The following CAB39 variants were observed in gnomAD, a reference collection of about 807,000 sequenced individuals.
CAB39 encodes calcium-binding protein 39.
CAB39 carries 8 observed loss-of-function variants against 40.0 expected under a neutral mutation model. That is an observed-to-expected ratio of 0.20 (90% CI 0.12 to 0.36). CAB39 has a LOEUF of 0.36. Ranked by LOEUF, CAB39 falls within the 10% of genes least tolerant of loss-of-function variation. The pLI is 1.00. For missense variants in CAB39, 270 were observed against 401.1 expected (o/e 0.67, Z 2.79); for synonymous variants, 156 against 141.6 (o/e 1.10, Z -0.72).
chr2:230,722,129 T>G (rs573012849), intron 1 of CAB39, among the ~76,000 whole-genome samples: 1 of 151,770 alleles, frequency 6.6e-6, no homozygotes, highest in Non-Finnish European at 1.5e-5. Flanking sequence ...CTCTCAAAAC[T>G]GAAAAAGAAA....
At chr2:230,814,482 G>C (rs983587428) in intron 7 of CAB39, among the ~76,000 whole-genome samples, 3 of 152,146 alleles carry the variant, frequency 2.0e-5, no homozygotes, top group Non-Finnish European at 4.4e-5. Flanking sequence ...GGTGGAGGGA[G>C]GCGATGTGCG....
intron 1 of CAB39, among the ~76,000 whole-genome samples, chr2:230,754,140 T>C (rs530566706): frequency 1.6e-4 from 24 of 152,320 alleles, no homozygotes; most frequent in African/African-American, 5.8e-4. Flanking sequence ...GTAAGGAATT[T>C]GGATTTTATT....
rs543989182 is a variant in CAB39 at position 230,784,623 on chromosome 2, G to A, written c.115-6249G>A. On this transcript the variant is annotated intron_variant, in intron 2 of 8. Coordinates refer to ENST00000258418, the MANE Select transcript of CAB39 (RefSeq NM_016289.4). Reference sequence around the variant, plus strand: ...GAAAATAAGGATGGTGGTGAGTCACGGAGGACCAGAAGAATGGTTTTCAGA... The same window carrying A: ...GAAAATAAGGATGGTGGTGAGTCACAGAGGACCAGAAGAATGGTTTTCAGA... Among the ~76,000 whole-genome samples the A allele has an allele frequency of 1.6e-4, 25 of 152,284 alleles. No homozygotes were observed. The Middle Eastern group carries it at 0.014, about 83-fold the overall frequency.
intron 2 of CAB39, among the ~76,000 whole-genome samples, chr2:230,782,115 C>A (rs1423622386): frequency 6.6e-6 from 1 of 152,192 alleles, no homozygotes. Context: ...GTCCGCCCGG[C>A]TCGGCCTCTG....
intron 1 of CAB39, among the ~76,000 whole-genome samples, chr2:230,746,034 G>A (rs531025503): frequency 6.6e-6 from 1 of 152,120 alleles, no homozygotes; most frequent in Non-Finnish European, 1.5e-5. Context: ...CTATTTGGTC[G>A]GGATTTAACA....
intron 7 of CAB39, among the ~76,000 whole-genome samples, chr2:230,814,704 G>C (rs1323191215): frequency 6.6e-6 from 1 of 152,174 alleles, no homozygotes; most frequent in Non-Finnish European, 1.5e-5. Flanking sequence ...GTCTGTGGCT[G>C]TTTTGAGCTC....
chr2:230,714,472 G>A (rs1575892526), intron 1 of CAB39, among the ~76,000 whole-genome samples: 1 of 152,300 alleles, frequency 6.6e-6, no homozygotes, highest in East Asian at 1.9e-4. Flanking sequence ...TAATGGAAAG[G>A]TGTCTATAAA....
intron 4 of CAB39, among the ~76,000 whole-genome samples, chr2:230,796,315 G>A (rs903818521): frequency 1.1e-4 from 16 of 152,018 alleles, no homozygotes; most frequent in African/African-American, 3.9e-4. Flanking sequence ...ATTTGAAGTC[G>A]TATTGCTAGT....
chr2:230,787,055 A>G (rs139356294), intron 2 of CAB39, among the ~76,000 whole-genome samples: 1 of 152,356 alleles, frequency 6.6e-6, no homozygotes, highest in East Asian at 1.9e-4. Context: ...AGCATTTAGA[A>G]AAGAATGTCA....
Position 230,810,253 on chromosome 2 carries a change from CT to C in CAB39, c.568-5del. 3 of 1,372,216 alleles carry C rather than the reference CT, an allele frequency of 2.2e-6. No homozygotes were observed. Among genetic ancestry groups the C allele is most frequent in the Non-Finnish European group, 3.0e-6 (3 of 996,864 alleles). The allele number at this position is 1,372,216 out of a possible 1,614,324, so 85.0% of individuals were successfully genotyped here. On this transcript the variant is annotated splice_polypyrimidine_tract_variant and intron_variant, in intron 5 of 8. Coordinates refer to ENST00000258418, the MANE Select transcript of CAB39 (RefSeq NM_016289.4). Reference sequence around the variant, plus strand: ...GAACAACTGTAAACAATTTTTTTTTCTTTTTGTAGGATTTACTTACAAGACA... The same window carrying C: ...GAACAACTGTAAACAATTTTTTTTTCTTTTGTAGGATTTACTTACAAGACA...
At position 230,760,186 on chromosome 2, in the gene CAB39, C is replaced by G. The variant is rs577678724; in HGVS notation, c.114+71C>G. The G allele has an allele frequency of 7.1e-6, 6 of 846,804 alleles. No individual in the cohort carries two copies. The East Asian group carries it at 1.3e-4, about 19-fold the overall frequency. The allele number at this position is 846,804 out of a possible 1,614,324, so 52.5% of individuals were successfully genotyped here. ...ATGCAAGACACCTTATATGAGGAATCAGTAAGTCCCAATTTGGGTTTATTT... is the reference window on the plus strand; with the variant it reads ...ATGCAAGACACCTTATATGAGGAATGAGTAAGTCCCAATTTGGGTTTATTT... On this transcript the variant is annotated intron_variant, in intron 2 of 8. Coordinates refer to ENST00000258418, the MANE Select transcript of CAB39 (RefSeq NM_016289.4).
At chr2:230,799,670 GAATA>G (rs1696051300) in intron 5 of CAB39, among the ~76,000 whole-genome samples, 1 of 152,180 alleles carries the variant, frequency 6.6e-6, no homozygotes, top group African/African-American at 2.4e-5. Context: ...CTAACCTTAT[GAATA>G]AATATTTAGA....
intron 1 of CAB39, chr2:230,725,190 T>C (rs1694541180): frequency 6.2e-7 from 1 of 1,609,184 alleles, no homozygotes; most frequent in African/African-American, 1.3e-5. Context: ...CGGGACTGCT[T>C]GGCGCTGGCG....
intron 4 of CAB39, 135 bp from the exon 5 acceptor site, chr2:230,798,594 G>A: frequency 1.5e-6 from 1 of 653,050 alleles, no homozygotes; most frequent in Non-Finnish European, 2.5e-6. Context: ...AATACCTTCT[G>A]TAATCTGCGA....
chr2:230,725,203 A>G lies in CAB39; in HGVS notation c.-44+11973A>G, dbSNP rs565860327. The G allele has an allele frequency of 1.2e-5, 19 of 1,605,616 alleles. No individual in the cohort carries two copies. The African/African-American group carries it at 1.3e-4, about 11-fold the overall frequency. ...CCCGGGACTGCTTGGCGCTGGCGCC[A>G]CAAGTGTCTTTCAGCCATTCCCGGT... On this transcript the variant is annotated intron_variant, in intron 1 of 8. Coordinates refer to ENST00000258418, the MANE Select transcript of CAB39 (RefSeq NM_016289.4).
intron 2 of CAB39, among the ~76,000 whole-genome samples, chr2:230,766,347 T>C (rs1695385234): frequency 6.6e-6 from 1 of 152,096 alleles, no homozygotes; most frequent in African/African-American, 2.4e-5. Context: ...TACAAGATAA[T>C]TAATGGGAAA....
Position 230,788,440 on chromosome 2 carries a change from C to T in CAB39, c.115-2432C>T, listed in dbSNP as rs573133981. ...CTACATATGTTATAACCCCAGAATACGTTGTTATTTTTGCTTTAAAGAGCC... is the reference window on the plus strand; with the variant it reads ...CTACATATGTTATAACCCCAGAATATGTTGTTATTTTTGCTTTAAAGAGCC... On this transcript the variant is annotated intron_variant, in intron 2 of 8. Coordinates refer to ENST00000258418, the MANE Select transcript of CAB39 (RefSeq NM_016289.4). 2.6e-5 allele frequency among the ~76,000 whole-genome samples: 4 copies of T among 152,044 alleles called. No homozygotes were observed. The South Asian group carries it at 6.2e-4, about 24-fold the overall frequency.
chr2:230,737,572 C>T lies in CAB39; in HGVS notation c.-43-22387C>T, dbSNP rs115639479. Among the ~76,000 whole-genome samples the T allele has an allele frequency of 8.6e-3, 1,305 of 152,208 alleles. 17 individuals are homozygous for T. The highest frequency in any genetic ancestry group is 0.03 in the African/African-American group (1,232 of 41,526). On this transcript the variant is annotated intron_variant, in intron 1 of 8. Transcript: ENST00000258418. ...TCTCTGTTTGTTAGAGATTACAGAG[C>T]GCTGTCACGAATATTTTGTTTAGTC...
intron 1 of CAB39, chr2:230,725,467 C>G: frequency 7.6e-7 from 1 of 1,318,506 alleles, no homozygotes; most frequent in East Asian, 2.4e-5. Flanking sequence ...CCGGCCACTC[C>G]TGCGGATACC....
Sources: allele counts gnomAD v4.1 joint callset (sites outside exome capture counted in the v4.1 genomes callset), GRCh38; gene constraint gnomAD v4.1.1; transcripts MANE v1.5; gene names NCBI Gene and HGNC (gene_info 2026-07-23, HGNC 2026-07-21).